The following NRG2 variants were observed in gnomAD, a reference collection of about 807,000 sequenced individuals.
The protein encoded by NRG2 is pro-neuregulin-2, membrane-bound isoform.
A neutral mutation model predicts 73.9 loss-of-function variants in NRG2; 27 were observed. That is an observed-to-expected ratio of 0.37 (90% CI 0.27 to 0.50). The LOEUF (loss-of-function observed/expected upper bound fraction) is 0.50. Among genes scored for constraint, NRG2 ranks in the 20% least tolerant of loss-of-function variants. The probability of loss-of-function intolerance (pLI) is 0.96; values close to 1 mark genes in which losing one functional copy is unlikely to be tolerated. For missense variants in NRG2, 1,126 were observed against 1,210.1 expected (o/e 0.93, Z 1.03); for synonymous variants, 532 against 541.0 (o/e 0.98, Z 0.23).
Position 139,865,201 on chromosome 5 carries a change from G to C in NRG2, c.1189+348C>G. 6.3e-7 allele frequency: 1 copy of C among 1,598,788 alleles called. No individual in the cohort carries two copies. The highest frequency in any genetic ancestry group is 8.6e-7 in the Non-Finnish European group (1 of 1,166,254). On this transcript the variant is annotated intron_variant, in intron 5 of 9. Coordinates refer to ENST00000361474, the MANE Select transcript of NRG2 (RefSeq NM_004883.3). This position sits in a 1 kb window ranked among gnomAD's most constrained non-coding sequence, Gnocchi z 5.2. ...ACCAAAAGAAAGAAAACCAGAAAGA[G>C]AGAGCCAGGATAGCAAGACACAGGC...
rs1763735475 is a variant in NRG2, at chr5:139,884,436, G to T, written c.872+2904C>A. Among the ~76,000 whole-genome samples, 3 of 152,226 alleles carry T rather than the reference G, an allele frequency of 2.0e-5. No individual in the cohort carries two copies. The South Asian group carries it at 6.2e-4, about 32-fold the overall frequency. On this transcript the variant is annotated intron_variant, in intron 2 of 9. Transcript: ENST00000361474. ...TGTGGCAGTGTGAGGAAACTGCATG[G>T]CAGTGACTTGTAGGCCAGGAAGAGG...
chr5:139,907,298 G>A (rs146659376), intron 1 of NRG2, among the ~76,000 whole-genome samples: 1 of 152,308 alleles, frequency 6.6e-6, no homozygotes, highest in African/African-American at 2.4e-5. Context: ...AGGTATGTGA[G>A]GGGTGGGAGA....
At chr5:139,889,904 G>A (rs1455132181) in intron 1 of NRG2, among the ~76,000 whole-genome samples, 3 of 152,208 alleles carry the variant, frequency 2.0e-5, no homozygotes, top group Non-Finnish European at 4.4e-5. Flanking sequence ...GATTATATGA[G>A]ACAATGCATG....
At chr5:139,909,912 A>T (rs1014626351) in intron 1 of NRG2, among the ~76,000 whole-genome samples, 2 of 152,248 alleles carry the variant, frequency 1.3e-5, no homozygotes, top group African/African-American at 4.8e-5. Flanking sequence ...CCAAATCTGC[A>T]TCATGGCCTG....
At chr5:139,940,687 T>C (rs1753326967) in intron 1 of NRG2, among the ~76,000 whole-genome samples, 1 of 152,142 alleles carries the variant, frequency 6.6e-6, no homozygotes, top group Non-Finnish European at 1.5e-5. Flanking sequence ...AACACATAGG[T>C]ATGTGCCATG....
intron 1 of NRG2, among the ~76,000 whole-genome samples, chr5:139,968,503 G>T (rs1343133968): frequency 6.6e-6 from 1 of 152,176 alleles, no homozygotes; most frequent in Admixed American, 6.5e-5. Flanking sequence ...CGAGGAACCT[G>T]GTCGATCCTC....
intron 1 of NRG2, among the ~76,000 whole-genome samples, chr5:140,002,768 G>A (rs7728075): frequency 0.23 from 34,947 of 152,060 alleles, 4,292 homozygotes; most frequent in African/African-American, 0.29. Flanking sequence ...AGACCGAAGA[G>A]GGGCAAGGGT....
intron 1 of NRG2, among the ~76,000 whole-genome samples, chr5:139,920,691 C>A (rs1220013677): frequency 4.6e-5 from 7 of 152,064 alleles, no homozygotes; most frequent in Admixed American, 4.6e-4. Context: ...AAAGATTAAT[C>A]AGGTTTAAAG....
intron 1 of NRG2, among the ~76,000 whole-genome samples, chr5:139,976,794 G>T (rs1756413228): frequency 6.6e-6 from 1 of 152,218 alleles, no homozygotes; most frequent in Non-Finnish European, 1.5e-5. Flanking sequence ...TATTACTTAT[G>T]TACATAATTC....
intron 1 of NRG2, among the ~76,000 whole-genome samples, chr5:139,923,713 C>A (rs1751846132): frequency 6.6e-6 from 1 of 152,162 alleles, no homozygotes; most frequent in South Asian, 2.1e-4. Flanking sequence ...CAAGGTCTCA[C>A]CCAAACCCAG....
chr5:140,026,371 G>C (rs1192844274), intron 1 of NRG2, among the ~76,000 whole-genome samples: 1 of 152,194 alleles, frequency 6.6e-6, no homozygotes, highest in Non-Finnish European at 1.5e-5. Flanking sequence ...ATAGATAATA[G>C]AAGAGAACAG....
At chr5:139,911,796 C>T (rs1345736183) in intron 1 of NRG2, among the ~76,000 whole-genome samples, 1 of 152,200 alleles carries the variant, frequency 6.6e-6, no homozygotes, top group African/African-American at 2.4e-5. Flanking sequence ...TCTGCCTGCC[C>T]CCCTCATCAA....
chr5:139,929,475 A>G (rs1313934063), intron 1 of NRG2, among the ~76,000 whole-genome samples: 1 of 152,208 alleles, frequency 6.6e-6, no homozygotes, highest in Non-Finnish European at 1.5e-5. Context: ...ATGGCTGTTC[A>G]TAGGGCTTAT....
intron 1 of NRG2, among the ~76,000 whole-genome samples, chr5:140,003,145 T>C (rs749518426): frequency 1.3e-5 from 2 of 152,188 alleles, no homozygotes; most frequent in Non-Finnish European, 2.9e-5. Context: ...TATAGATCAC[T>C]GATCAGAAAA....
chr5:139,901,802 C>A (rs1382979659), intron 1 of NRG2, among the ~76,000 whole-genome samples: 4 of 152,174 alleles, frequency 2.6e-5, no homozygotes, highest in Non-Finnish European at 5.9e-5. Context: ...AAACCCTGAC[C>A]AACTGGGGCA....
intron 1 of NRG2, among the ~76,000 whole-genome samples, chr5:140,022,924 C>A (rs1029446773): frequency 1.3e-5 from 2 of 152,152 alleles, no homozygotes; most frequent in Non-Finnish European, 2.9e-5. Context: ...AAAACCTTGA[C>A]CCTTTTTTCT....
intron 1 of NRG2, among the ~76,000 whole-genome samples, chr5:139,939,252 CTTTCTTTCTTTT>C (rs1320215232): frequency 6.7e-6 from 1 of 148,460 alleles, no homozygotes; most frequent in African/African-American, 2.5e-5. Context: ...TCCTTTCTTT[CTTTCTTTCTTTT>C]TCTTTCTTTC....
chr5:139,937,000 C>T lies in NRG2; in HGVS notation c.701-49489G>A, dbSNP rs190620880. ...TATTTTTAGTAGAGACAGGGTTTCGCCATGTTGGCCAGGCTGGTCTCGAAC... is the reference window on the plus strand; with the variant it reads ...TATTTTTAGTAGAGACAGGGTTTCGTCATGTTGGCCAGGCTGGTCTCGAAC... On this transcript the variant is annotated intron_variant, in intron 1 of 9. Coordinates refer to ENST00000361474, the MANE Select transcript of NRG2 (RefSeq NM_004883.3). Among the ~76,000 whole-genome samples the T allele has an allele frequency of 2.4e-3, 371 of 152,306 alleles. 1 individual carries two copies. The highest frequency in any genetic ancestry group is 8.5e-3 in the African/African-American group (353 of 41,574).
chr5:140,029,687 C>CAAAAAAAAAAAAAA lies in NRG2; in HGVS notation c.700+12669_700+12682dup, dbSNP rs34122778. On this transcript the variant is annotated intron_variant, in intron 1 of 9. Transcript: ENST00000361474. ...TGGGTGACAGAGCAAGACTCTGTCT[C>CAAAAAAAAAAAAAA]AAAAAAAAAAAAAAAAGCTCCAGCG... 2.2e-3 allele frequency among the ~76,000 whole-genome samples: 133 copies of CAAAAAAAAAAAAAA among 61,240 alleles called. 4 individuals are homozygous for CAAAAAAAAAAAAAA. The highest frequency in any genetic ancestry group is 5.6e-3 in the African/African-American group (103 of 18,456). 40.2% of individuals were successfully genotyped at this position (61,240 alleles called of 152,430 possible).
Sources: allele counts gnomAD v4.1 joint callset (sites outside exome capture counted in the v4.1 genomes callset), GRCh38; gene constraint gnomAD v4.1.1; non-coding constraint Gnocchi (gnomAD v3.1); transcripts MANE v1.5; gene names NCBI Gene and HGNC (gene_info 2026-07-23, HGNC 2026-07-21).